Variants in KRT20 observed in about 807,000 individuals in gnomAD.
KRT20 encodes keratin, type I cytoskeletal 20.
KRT20 carries 41 observed loss-of-function variants against 43.0 expected under a neutral mutation model. That is an observed-to-expected ratio of 0.95 (90% CI 0.74 to 1.24). KRT20 has a LOEUF of 1.24. Ranked by LOEUF, KRT20 falls within the 50% of genes most tolerant of loss-of-function variation. The pLI is 0.00. For missense variants in KRT20, 533 were observed against 521.2 expected, an observed-to-expected ratio of 1.02 and a Z score of -0.22; for synonymous variants, 207 against 200.6, an observed-to-expected ratio of 1.03 and a Z score of -0.27.
Position 40,884,891 on chromosome 17 carries a change from C to T in KRT20, c.295G>A (p.Glu99Lys), listed in dbSNP as rs1313667307. 6.2e-7 allele frequency: 1 copy of T among 1,614,220 alleles called. No homozygotes were observed. Among genetic ancestry groups the T allele is most frequent in the South Asian group, 1.1e-5 (1 of 91,084 alleles). The change falls in exon 1 of 8, where the codon GAA becomes AAA. Residue 99 changes from glutamate to lysine, a missense_variant. Glu to Lys is a moderately conservative substitution (Grantham distance 56). Coordinates refer to ENST00000167588, the MANE Select transcript of KRT20 (RefSeq NM_019010.3). ...TCGTACCACTGCTTGATTTGCACTT[C>T]AAGTTTGGAGTTGGACTGCTCCAGG... The part of the protein sequence containing the change: ...RTLEQSNSKL[E>K]VQIKQWYETN...
At chr17:40,879,505 A>C (rs1476820233) in intron 5 of KRT20, among the ~76,000 whole-genome samples, 1 of 152,056 alleles carries the variant, frequency 6.6e-6, no homozygotes, top group Non-Finnish European at 1.5e-5. Flanking sequence ...CCCATGACAC[A>C]AGTTTAACTA....
intron 1 of KRT20, 21 bp from the exon 2 acceptor site, chr17:40,882,675 A>C: frequency 1.8e-6 from 2 of 1,083,582 alleles, no homozygotes; most frequent in Non-Finnish European, 2.5e-6. Context: ...CATGAGAAAG[A>C]ATGACATTTT....
intron 3 of KRT20, 88 bp downstream of exon 3, chr17:40,880,526 C>G: frequency 8.5e-6 from 10 of 1,175,388 alleles, no homozygotes; most frequent in Non-Finnish European, 1.2e-5. Context: ...ACTCTTCCCC[C>G]TTCTCCTGTT....
chr17:40,878,344 G>C lies in KRT20; in HGVS notation c.940C>G (p.Leu314Val). ...LSMKESLEHT[L>V]EETKARYSSQ... is the part of the protein sequence containing the mutation. ...CTGTAACGGGCCTTGGTCTCCTCTA[G>C]AGTGTGCTCCAAAGACTCTTTCTAT... The change falls in exon 6 of 8, where the codon CTA becomes GTA. Residue 314 changes from leucine to valine, a missense_variant. Leu to Val is a conservative substitution (Grantham distance 32). Transcript: ENST00000167588. 6.2e-7 allele frequency: 1 copy of C among 1,614,104 alleles called. No individual in the cohort carries two copies. Among genetic ancestry groups the C allele is most frequent in the Non-Finnish European group, 8.5e-7 (1 of 1,179,992 alleles).
rs1169320899 is a variant in KRT20, at chr17:40,878,178, G to A, written c.1106C>T (p.Thr369Ile). 8.7e-6 allele frequency: 14 copies of A among 1,614,120 alleles called. No individual in the cohort carries two copies. Among genetic ancestry groups the A allele is most frequent in the Non-Finnish European group, 1.2e-5 (14 of 1,180,012 alleles). Residue 369 changes from threonine to isoleucine, a missense_variant, in exon 6 of 8, where the codon ACT (threonine) becomes ATT (isoleucine). Coordinates refer to ENST00000167588, the MANE Select transcript of KRT20 (RefSeq NM_019010.3). Reference protein sequence around the residue: ...IKTRLEQEIATYRRLLEGEDV... With the variant: ...IKTRLEQEIAIYRRLLEGEDV... The stretch of plus-strand genomic sequence containing the variant: ...TTCTCCTTCCAGAAGGCGGCGGTAA[G>A]TAGCAATTTCCTGTTCAAGTCGAGT...
chr17:40,884,598 A>T (rs1444560695), intron 1 of KRT20, among the ~76,000 whole-genome samples, 198 bp downstream of exon 1: 2 of 152,256 alleles, frequency 1.3e-5, no homozygotes, highest in Non-Finnish European at 2.9e-5. Context: ...GTTAAACATT[A>T]AAAATAGCAT....
Position 40,880,718 on chromosome 17 carries a change from G to A in KRT20, c.526C>T (p.Leu176=), listed in dbSNP as rs776987589. 7.5e-6 allele frequency: 12 copies of A among 1,597,392 alleles called. No homozygotes were observed. The highest frequency in any genetic ancestry group is 2.7e-5 in the African/African-American group (2 of 74,050). Residue 176 remains leucine (L), a synonymous_variant, in exon 3 of 8, where the codon CTG becomes TTG. Transcript: ENST00000167588. ...GTTAGGTCATCAAAGACCTTATTCA[G>A]GCCTTGGAGATCAGCTTCCACTGTT... ...RLTVEADLQG[L]NKVFDDLTLH...
intron 5 of KRT20, among the ~76,000 whole-genome samples, chr17:40,879,152 C>T (rs143865072): frequency 6.6e-6 from 1 of 152,242 alleles, no homozygotes. Context: ...ACTGGCATGT[C>T]CTAGGTAGGG....
intron 6 of KRT20, 67 bp downstream of exon 6, chr17:40,878,078 G>T: frequency 7.7e-7 from 1 of 1,299,304 alleles, no homozygotes; most frequent in African/African-American, 1.5e-5. Flanking sequence ...GGTAATGAGT[G>T]ACAGGGACAT....
intron 2 of KRT20, among the ~76,000 whole-genome samples, chr17:40,881,227 C>CTGTGTG (rs34632722): frequency 0.035 from 5,040 of 145,718 alleles, 119 homozygotes; most frequent in Non-Finnish European, 0.044. Context: ...TACATACACA[C>CTGTGTG]TGTGTGTGTG....
Position 40,878,320 on chromosome 17 carries a change from T to C in KRT20, c.964A>G (p.Ser322Gly). The C allele has an allele frequency of 6.8e-6, 11 of 1,614,104 alleles. No homozygotes were observed. The highest frequency in any genetic ancestry group is 9.3e-6 in the Non-Finnish European group (11 of 1,179,960). The change falls in exon 6 of 8, where the codon AGC becomes GGC. Residue 322 changes from serine (S) to glycine (G), a missense_variant. Ser to Gly is a moderately conservative substitution (Grantham distance 56, BLOSUM62 0). Coordinates refer to ENST00000167588, the MANE Select transcript of KRT20 (RefSeq NM_019010.3). The stretch of plus-strand genomic sequence containing the variant: ...GACTGGAGGTTGGCTAACTGGCTGC[T>C]GTAACGGGCCTTGGTCTCCTCTAGA... ...HTLEETKARY[S>G]SQLANLQSLL...
Position 40,880,784 on chromosome 17 carries a change from A to T in KRT20, c.474-14T>A, listed in dbSNP as rs1042235778. The T allele has an allele frequency of 6.7e-7, 1 of 1,500,736 alleles. No homozygotes were observed. The highest frequency in any genetic ancestry group is 8.9e-7 in the Non-Finnish European group (1 of 1,125,860). 93.0% of individuals were successfully genotyped at this position (1,500,736 alleles called of 1,614,324 possible). A position where few individuals can be genotyped will look rare whatever the true frequency, so the allele number is the denominator to read the frequency against. On this transcript the variant is annotated splice_polypyrimidine_tract_variant and intron_variant, in intron 2 of 7. Coordinates refer to ENST00000167588, the MANE Select transcript of KRT20 (RefSeq NM_019010.3). ...TCAGTCTCATACCTGTGAATTAATT[A>T]GTGTACAGAGATAACTGGTCCTTCT...
rs545794199 is a variant in KRT20, at chr17:40,884,624, T to C, written c.390+172A>G. Among the ~76,000 whole-genome samples, 7 of 152,362 alleles carry C rather than the reference T, an allele frequency of 4.6e-5. 1 individual carries two copies. In the South Asian group the frequency reaches 1.4e-3, roughly 32 times the overall value. On this transcript the variant is annotated intron_variant, in intron 1 of 7. Transcript: ENST00000167588. Reference sequence around the variant, plus strand: ...AAAATAGCATGATTTAAGGTCATCCTGTTGTACAGTCAGGTACTCCAGCAC... The same window carrying C: ...AAAATAGCATGATTTAAGGTCATCCCGTTGTACAGTCAGGTACTCCAGCAC...
In KRT20 at chr17:40,880,334, AAGG is replaced by A. The variant is rs1907540691; in HGVS notation, c.631-76_631-74del. 4 of 1,376,040 alleles carry A rather than the reference AAGG, an allele frequency of 2.9e-6. No homozygotes were observed. The African/African-American group carries it at 4.3e-5, about 15-fold the overall frequency. 85.2% of individuals were successfully genotyped at this position (1,376,040 alleles called of 1,614,324 possible). On this transcript the variant is annotated intron_variant, in intron 3 of 7. Transcript: ENST00000167588. ...AGATAAGGCTGGGCAGAAAAGACAT[AAGG>A]AGTCTCATGACCTCTTTCATTGGGA...
intron 5 of KRT20, among the ~76,000 whole-genome samples, chr17:40,878,836 C>G (rs1907465574): frequency 1.3e-5 from 2 of 149,416 alleles, no homozygotes; most frequent in South Asian, 2.1e-4. Context: ...GAGTCTTGCT[C>G]TGTCGCCCAG....
chr17:40,877,942 A>G (rs550908564), intron 6 of KRT20, among the ~76,000 whole-genome samples: 17 of 152,254 alleles, frequency 1.1e-4, no homozygotes, highest in African/African-American at 3.8e-4. Context: ...GTCCTACCAC[A>G]TGATCTCAAG....
intron 2 of KRT20, among the ~76,000 whole-genome samples, chr17:40,881,879 C>CTTTTTTT (rs112248312): frequency 6.8e-6 from 1 of 146,266 alleles, no homozygotes; most frequent in African/African-American, 2.5e-5. Context: ...TTCTTTCTTC[C>CTTTTTTT]TTTTTTTTTT....
At position 40,876,877 on chromosome 17, in the gene KRT20, C is replaced by T. The variant is rs574491498; in HGVS notation, c.1178-419G>A. On this transcript the variant is annotated intron_variant, in intron 7 of 7. Coordinates refer to ENST00000167588, the MANE Select transcript of KRT20 (RefSeq NM_019010.3). ...GAATCCCTGGTGTCATATCTGCTCC[C>T]TTGAGAATTGGCCTTTGCTATGGTT... 8.5e-4 allele frequency among the ~76,000 whole-genome samples: 130 copies of T among 152,288 alleles called. 2 individuals carry two copies. The South Asian group carries it at 0.026, about 31-fold the overall frequency.
chr17:40,879,848 T>C lies in KRT20; in HGVS notation c.883A>G (p.Ser295Gly), dbSNP rs1257495203. 6.2e-7 allele frequency: 1 copy of C among 1,613,110 alleles called. No individual in the cohort carries two copies. The highest frequency in any genetic ancestry group is 2.2e-5 in the East Asian group (1 of 44,880). The change falls in exon 5 of 8, where the codon AGC (serine) becomes GGC (glycine). Residue 295 changes from serine (S) to glycine (G), a missense_variant. Transcript: ENST00000167588. ...QLTELRRTSQ[S>G]LEIELQSHLS... ...TGGGACTGGAGTTCTATCTCAAGGCTCTGGGAGGTGCGTCTCAGCTCCGTT... is the reference window on the plus strand; with the variant it reads ...TGGGACTGGAGTTCTATCTCAAGGCCCTGGGAGGTGCGTCTCAGCTCCGTT...
Sources: allele counts gnomAD v4.1 joint callset (sites outside exome capture counted in the v4.1 genomes callset), GRCh38; gene constraint gnomAD v4.1.1; transcripts MANE v1.5; gene names NCBI Gene and HGNC (gene_info 2026-07-23, HGNC 2026-07-21).